Variants in KCNK3 observed in about 807,000 individuals in gnomAD.
KCNK3 encodes the protein potassium two pore domain channel subfamily K member 3, also known as potassium channel subfamily K member 3.
Under a neutral mutation model 27.3 loss-of-function variants are expected in KCNK3, and 9 were observed. The observed-to-expected ratio is 0.33, with a 90% CI of 0.20 to 0.57. The LOEUF (loss-of-function observed/expected upper bound fraction) is 0.57. Ranked by LOEUF, KCNK3 falls within the 20% of genes least tolerant of loss-of-function variation. The pLI, the probability that KCNK3 is intolerant of heterozygous loss-of-function variation, is 0.87. For missense variants in KCNK3, 391 were observed against 577.7 expected (o/e 0.68, Z 3.31); for synonymous variants, 278 against 273.8 (o/e 1.02, Z -0.15).
rs201319916 is a variant in KCNK3, at chr2:26,699,251, A to AAGAAAGAAAGAAAGAAAGAAAGCC, written c.283+6095_283+6096insAAAGAAAGAAAGAAAGAAAGCCAG. 2.2e-5 allele frequency among the ~76,000 whole-genome samples: 3 copies of AAGAAAGAAAGAAAGAAAGAAAGCC among 134,352 alleles called. No individual in the cohort carries two copies. In the East Asian group the frequency reaches 7.4e-4, roughly 33 times the overall value. The allele number at this position is 134,352 out of a possible 152,430, so 88.1% of individuals were successfully genotyped here. A position where few individuals can be genotyped will look rare whatever the true frequency, so the allele number is the denominator to read the frequency against. The stretch of plus-strand genomic sequence containing the variant: ...AAAGAAAGAAAGAAAGAAAGAAAGA[A>AAGAAAGAAAGAAAGAAAGAAAGCC]AGCCAGCCAAGGAGAAAGGTACACG... On this transcript the variant is annotated intron_variant, in intron 1 of 1. Coordinates refer to ENST00000302909, the MANE Select transcript of KCNK3 (RefSeq NM_002246.3).
chr2:26,712,664 GGA>G (rs1663144770), intron 1 of KCNK3, among the ~76,000 whole-genome samples: 1 of 68,360 alleles, frequency 1.5e-5, no homozygotes, highest in Admixed American at 1.8e-4. Context: ...GCTGGGTGTT[GGA>G]GTGTGTGTGT....
intron 1 of KCNK3, among the ~76,000 whole-genome samples, chr2:26,704,716 G>A (rs1670351047): frequency 6.6e-6 from 1 of 152,322 alleles, no homozygotes; most frequent in South Asian, 2.1e-4. Flanking sequence ...GGGGCTTTGG[G>A]GGCAGGCACG....
rs911125249 is a variant in KCNK3, at chr2:26,730,922, C to G, written c.*2354C>G. On this transcript the variant is annotated 3_prime_UTR_variant, in exon 2 of 2. Coordinates refer to ENST00000302909, the MANE Select transcript of KCNK3 (RefSeq NM_002246.3). ...AGCGTGGCAGACTGTTCAGTCTCTGCTGGGTCTTTCCTAGGGACCTGGAAG... is the reference window on the plus strand; with the variant it reads ...AGCGTGGCAGACTGTTCAGTCTCTGGTGGGTCTTTCCTAGGGACCTGGAAG... 1 of 152,670 alleles carries G rather than the reference C, an allele frequency of 6.6e-6. No homozygotes were observed. The highest frequency in any genetic ancestry group is 6.5e-5 in the Admixed American group (1 of 15,294). 9.5% of individuals were successfully genotyped at this position (152,670 alleles called of 1,614,324 possible).
In KCNK3 at chr2:26,692,732, GC is replaced by G; in HGVS notation, c.-140del. On this transcript the variant is annotated 5_prime_UTR_variant, in exon 1 of 2. Coordinates refer to ENST00000302909, the MANE Select transcript of KCNK3 (RefSeq NM_002246.3). The surrounding 1 kb of genome is among the most constrained non-coding windows in gnomAD (Gnocchi z 5.6). ...CTCCGCGGCGGCGGCGGCGGCGGCG[GC>G]CCCGGGCGCTGAGCGGGTGCCCGGC... is the stretch of plus-strand genomic sequence containing the variant. 5 of 291,658 alleles carry G rather than the reference GC, an allele frequency of 1.7e-5. No individual in the cohort carries two copies. The highest frequency in any genetic ancestry group is 2.5e-5 in the Non-Finnish European group (5 of 197,724). 18.1% of individuals were successfully genotyped at this position (291,658 alleles called of 1,614,324 possible).
chr2:26,700,729 A>AT (rs1324598662), intron 1 of KCNK3, among the ~76,000 whole-genome samples: 25 of 115,448 alleles, frequency 2.2e-4, no homozygotes, highest in African/African-American at 8.4e-4. Flanking sequence ...CATCATCATC[A>AT]CCATCATCAT....
intron 1 of KCNK3, among the ~76,000 whole-genome samples, chr2:26,713,818 G>A (rs905619091): frequency 6.6e-6 from 1 of 150,460 alleles, no homozygotes; most frequent in Admixed American, 6.6e-5. Flanking sequence ...GCTCACACTT[G>A]TAATCCCAGC....
At chr2:26,696,307 C>T (rs1279216528) in intron 1 of KCNK3, among the ~76,000 whole-genome samples, 1 of 152,232 alleles carries the variant, frequency 6.6e-6, no homozygotes, top group Admixed American at 6.5e-5. Context: ...AAGCGGCTCC[C>T]CCAGTCACCC....
Position 26,711,420 on chromosome 2 carries a change from A to T in KCNK3, c.284-16247A>T, listed in dbSNP as rs115126069. Among the ~76,000 whole-genome samples the T allele has an allele frequency of 8.2e-3, 1,244 of 152,238 alleles. 8 individuals are homozygous for T. Among genetic ancestry groups the T allele is most frequent in the African/African-American group, 0.029 (1,201 of 41,524 alleles). On this transcript the variant is annotated intron_variant, in intron 1 of 1. Transcript: ENST00000302909. ...CAAGGCACATCTTTCTCCCTAGAGG[A>T]GTGACTCCCAGTCTGGAAGTCTCCA...
At chr2:26,699,699 C>T (rs940247241) in intron 1 of KCNK3, among the ~76,000 whole-genome samples, 1 of 152,228 alleles carries the variant, frequency 6.6e-6, no homozygotes, top group Admixed American at 6.5e-5. Flanking sequence ...CCCTCCTCCA[C>T]TCCCTCTCCA....
chr2:26,714,327 G>A (rs80318153), intron 1 of KCNK3, among the ~76,000 whole-genome samples: 2,272 of 150,468 alleles, frequency 0.015, 72 homozygotes, highest in African/African-American at 0.053. Flanking sequence ...AACTGCAGGC[G>A]ACACACCCAA....
In KCNK3 at chr2:26,693,272, C is replaced by G. The variant is rs111740015; in HGVS notation, c.283+114C>G. 3,942 of 1,046,282 alleles carry G rather than the reference C, an allele frequency of 3.8e-3. 118 individuals carry two copies. The African/African-American group carries it at 0.061, about 16-fold the overall frequency. 64.8% of individuals were successfully genotyped at this position (1,046,282 alleles called of 1,614,324 possible). A position where few individuals can be genotyped will look rare whatever the true frequency, so the allele number is the denominator to read the frequency against. On this transcript the variant is annotated intron_variant, in intron 1 of 1. Coordinates refer to ENST00000302909, the MANE Select transcript of KCNK3 (RefSeq NM_002246.3). The surrounding 1 kb of genome is among the most constrained non-coding windows in gnomAD (Gnocchi z 5.5). ...GGCTCCCCCGAGAGGGGCTGGGCGC[C>G]GAACCCTGCGCTCGCAGAAACCCGA...
In KCNK3 at chr2:26,693,183, GGGAACC is replaced by G; in HGVS notation, c.283+26_283+31del. The G allele has an allele frequency of 7.1e-7, 1 of 1,405,814 alleles. No individual in the cohort carries two copies. Among genetic ancestry groups the G allele is most frequent in the Non-Finnish European group, 9.4e-7 (1 of 1,058,324 alleles). 87.1% of individuals were successfully genotyped at this position (1,405,814 alleles called of 1,614,324 possible). A position where few individuals can be genotyped will look rare whatever the true frequency, so the allele number is the denominator to read the frequency against. ...GGTAACGGCTCGCCGGGCGGGGGGCGGGAACCCAGGGCTGGGCGCGGGGCTCCGGGA... is the reference window on the plus strand; with the variant it reads ...GGTAACGGCTCGCCGGGCGGGGGGCGCAGGGCTGGGCGCGGGGCTCCGGGA... On this transcript the variant is annotated intron_variant, in intron 1 of 1. Transcript: ENST00000302909. This position sits in a 1 kb window ranked among gnomAD's most constrained non-coding sequence, Gnocchi z 5.5.
intron 1 of KCNK3, among the ~76,000 whole-genome samples, chr2:26,705,687 G>T (rs1204335647): frequency 6.6e-6 from 1 of 152,174 alleles, no homozygotes; most frequent in Non-Finnish European, 1.5e-5. Context: ...AGCATTGGGG[G>T]CAGGGGCAGT....
intron 1 of KCNK3, among the ~76,000 whole-genome samples, chr2:26,717,237 G>A (rs559069395): frequency 6.6e-5 from 10 of 152,262 alleles, no homozygotes; most frequent in East Asian, 1.9e-4. Context: ...TGCCCACTGG[G>A]TGAGATTTCA....
At chr2:26,723,116 G>A (rs1572613596) in intron 1 of KCNK3, among the ~76,000 whole-genome samples, 1 of 152,204 alleles carries the variant, frequency 6.6e-6, no homozygotes, top group Non-Finnish European at 1.5e-5. Flanking sequence ...AGCAGGCATA[G>A]GAGGCCAGTG....
rs1663555553 is a variant in KCNK3 at position 26,732,320 on chromosome 2, A to G, written c.*3752A>G. On this transcript the variant is annotated 3_prime_UTR_variant, in exon 2 of 2. Coordinates refer to ENST00000302909, the MANE Select transcript of KCNK3 (RefSeq NM_002246.3). Reference sequence around the variant, plus strand: ...CAATGATTCTAATACGTTCTGTTCTATTGCATGTTATAAAATGCTGGTCAC... The same window carrying G: ...CAATGATTCTAATACGTTCTGTTCTGTTGCATGTTATAAAATGCTGGTCAC... The G allele has an allele frequency of 6.6e-6, 1 of 152,216 alleles. No individual in the cohort carries two copies. The highest frequency in any genetic ancestry group is 2.1e-4 in the South Asian group (1 of 4,834). The allele number at this position is 152,216 out of a possible 1,614,324, so 9.4% of individuals were successfully genotyped here. A position where few individuals can be genotyped will look rare whatever the true frequency, so the allele number is the denominator to read the frequency against.
At chr2:26,714,655 G>A (rs1275238591) in intron 1 of KCNK3, among the ~76,000 whole-genome samples, 1 of 151,446 alleles carries the variant, frequency 6.6e-6, no homozygotes, top group African/African-American at 2.4e-5. Context: ...GGAGGCCAAG[G>A]TGGGCGGATC....
At position 26,728,220 on chromosome 2, in the gene KCNK3, G is replaced by A. The variant is rs1303676904; in HGVS notation, c.837G>A (p.Ala279=). ...QAGGGGGGGS[A]HTTDTASSTA... ...GCGGCGGCGGAGGGGGTGGCAGCGCGCACACTACGGACACCGCCTCATCCA... is the reference window on the plus strand; with the variant it reads ...GCGGCGGCGGAGGGGGTGGCAGCGCACACACTACGGACACCGCCTCATCCA... The change falls in exon 2 of 2, where the codon GCG becomes GCA. Residue 279 remains alanine, a synonymous_variant. Transcript: ENST00000302909. 2 of 1,563,886 alleles carry A rather than the reference G, an allele frequency of 1.3e-6. No homozygotes were observed. Among genetic ancestry groups the A allele is most frequent in the Non-Finnish European group, 1.7e-6 (2 of 1,154,446 alleles).
At position 26,694,000 on chromosome 2, in the gene KCNK3, G is replaced by C. The variant is rs1479389584; in HGVS notation, c.283+842G>C. ...ACACAGAGAGAGAGACAGAGAGAGA[G>C]AGAGAGAACAAACGTTGCCCAGGAA... On this transcript the variant is annotated intron_variant, in intron 1 of 1. Coordinates refer to ENST00000302909, the MANE Select transcript of KCNK3 (RefSeq NM_002246.3). This position sits in a 1 kb window ranked among gnomAD's most constrained non-coding sequence, Gnocchi z 5.5. 6.6e-6 allele frequency among the ~76,000 whole-genome samples: 1 copy of C among 152,124 alleles called. No individual in the cohort carries two copies. The highest frequency in any genetic ancestry group is 2.4e-5 in the African/African-American group (1 of 41,408).
Sources: gnomAD v4.1 joint callset for allele counts (sites outside exome capture counted in the v4.1 genomes callset) on GRCh38, gnomAD v4.1.1 for gene constraint, Gnocchi (gnomAD v3.1) non-coding constraint, MANE v1.5 for transcripts, NCBI Gene and HGNC (gene_info 2026-07-23, HGNC 2026-07-21) for gene names.